FGGY: variants seen among roughly 807,000 people sequenced by gnomAD.
FGGY encodes FGGY carbohydrate kinase domain containing.
FGGY carries 72 observed loss-of-function variants against 71.3 expected under a neutral mutation model. The ratio of observed to expected loss-of-function variants is 1.01; its 90% CI spans 0.84 to 1.23. The LOEUF (loss-of-function observed/expected upper bound fraction) is 1.23. FGGY is among the 50% of genes most tolerant of loss of function. The pLI is 0.00. For synonymous variants in FGGY, 251 were observed against 250.3 expected (o/e 1.00, Z -0.02); for missense variants, 668 against 682.3 (o/e 0.98, Z 0.23).
chr1:59,449,673 T>G (rs184908165), intron 5 of FGGY, among the ~76,000 whole-genome samples: 1 of 152,186 alleles, frequency 6.6e-6, no homozygotes, highest in East Asian at 1.9e-4. Context: ...TTGTTTTGTT[T>G]TTATCCAGGC....
intron 5 of FGGY, among the ~76,000 whole-genome samples, chr1:59,449,315 G>A (rs148735695): frequency 8.4e-4 from 128 of 152,096 alleles, no homozygotes; most frequent in Middle Eastern, 3.4e-3. Flanking sequence ...ACTGAGTCTT[G>A]CTCTGTCCCC....
At chr1:59,538,820 G>C (rs1010249510) in intron 7 of FGGY, among the ~76,000 whole-genome samples, 1 of 127,138 alleles carries the variant, frequency 7.9e-6, no homozygotes, top group Non-Finnish European at 1.6e-5. Flanking sequence ...ACAGGAAGGG[G>C]AACATCACAC....
At chr1:59,314,244 C>T (rs769373590) in intron 1 of FGGY, among the ~76,000 whole-genome samples, 1 of 152,114 alleles carries the variant, frequency 6.6e-6, no homozygotes. Flanking sequence ...GGATTACAGG[C>T]GTGAGCCACC....
rs1180392628 is a variant in FGGY, at chr1:59,498,042, T to C, written c.671-14269T>C. 2.6e-5 allele frequency among the ~76,000 whole-genome samples: 4 copies of C among 152,178 alleles called. No homozygotes were observed. The East Asian group carries it at 7.7e-4, about 29-fold the overall frequency. On this transcript the variant is annotated intron_variant, in intron 6 of 15. Transcript: ENST00000303721. Reference sequence around the variant, plus strand: ...CTTCAAAGATGCTGGAGGGTCTCCCTCCTGTACCCCAACCTGTGCCACTTG... The same window carrying C: ...CTTCAAAGATGCTGGAGGGTCTCCCCCCTGTACCCCAACCTGTGCCACTTG...
intron 9 of FGGY, among the ~76,000 whole-genome samples, chr1:59,620,548 T>C (rs1196369883): frequency 6.6e-6 from 1 of 152,098 alleles, no homozygotes; most frequent in East Asian, 1.9e-4. Flanking sequence ...ATCTTTCATT[T>C]TGTTTTTTGT....
At chr1:59,629,211 A>G (rs992709358) in intron 10 of FGGY, among the ~76,000 whole-genome samples, 5 of 148,560 alleles carry the variant, frequency 3.4e-5, no homozygotes, top group African/African-American at 1.3e-4. Context: ...AACTTAAATA[A>G]AAAATGAATA....
intron 6 of FGGY, among the ~76,000 whole-genome samples, chr1:59,490,579 C>T (rs1161368965): frequency 1.3e-5 from 2 of 152,062 alleles, no homozygotes; most frequent in African/African-American, 4.8e-5. Flanking sequence ...AGATCTTATT[C>T]ATAAAATATT....
intron 5 of FGGY, among the ~76,000 whole-genome samples, chr1:59,387,507 T>G (rs2060212841): frequency 6.6e-6 from 1 of 152,222 alleles, no homozygotes; most frequent in African/African-American, 2.4e-5. Context: ...TAGTGTTATA[T>G]ATTTCAATGA....
chr1:59,372,382 A>C (rs1262377821), intron 4 of FGGY, among the ~76,000 whole-genome samples: 1 of 152,252 alleles, frequency 6.6e-6, no homozygotes, highest in East Asian at 1.9e-4. Context: ...CTCTGAATAG[A>C]CTAATAACAG....
chr1:59,523,652 T>C (rs1478197367), intron 7 of FGGY, among the ~76,000 whole-genome samples: 2 of 152,244 alleles, frequency 1.3e-5, no homozygotes, highest in Non-Finnish European at 2.9e-5. Flanking sequence ...TCCAGTTATA[T>C]CATTCAACAG....
intron 1 of FGGY, among the ~76,000 whole-genome samples, chr1:59,311,984 C>T (rs2044426196): frequency 6.6e-6 from 1 of 152,216 alleles, no homozygotes; most frequent in Non-Finnish European, 1.5e-5. Context: ...TTTTGATTTG[C>T]ATTTCTCTAA....
At chr1:59,742,064 C>G (rs1312975979) in intron 14 of FGGY, among the ~76,000 whole-genome samples, 1 of 152,160 alleles carries the variant, frequency 6.6e-6, no homozygotes, top group African/African-American at 2.4e-5. Flanking sequence ...GATCATGCCA[C>G]TGCACTCCAG....
intron 11 of FGGY, among the ~76,000 whole-genome samples, chr1:59,653,597 C>T (rs1385846780): frequency 6.6e-6 from 1 of 152,240 alleles, no homozygotes; most frequent in Non-Finnish European, 1.5e-5. Context: ...GGCAATGCCT[C>T]GCCCTGCTTC....
At chr1:59,665,034 T>C (rs2097311050) in intron 12 of FGGY, among the ~76,000 whole-genome samples, 1 of 152,198 alleles carries the variant, frequency 6.6e-6, no homozygotes, top group Non-Finnish European at 1.5e-5. Flanking sequence ...AATTCAAAAC[T>C]CATGCTCTTA....
intron 4 of FGGY, among the ~76,000 whole-genome samples, chr1:59,374,085 G>A (rs1418453500): frequency 6.6e-6 from 1 of 152,142 alleles, no homozygotes; most frequent in African/African-American, 2.4e-5. Context: ...CTTCTGCACA[G>A]CAAAAGAAAC....
intron 5 of FGGY, among the ~76,000 whole-genome samples, chr1:59,420,852 A>C (rs2065279728): frequency 6.6e-6 from 1 of 151,860 alleles, no homozygotes; most frequent in Non-Finnish European, 1.5e-5. Flanking sequence ...AAAGAGGCTC[A>C]AATTCACTCC....
At chr1:59,361,579 A>G (rs2055528112) in intron 4 of FGGY, among the ~76,000 whole-genome samples, 2 of 152,224 alleles carry the variant, frequency 1.3e-5, no homozygotes, top group South Asian at 2.1e-4. Flanking sequence ...GAATCCGTCA[A>G]AAGTTCCTTT....
At chr1:59,428,955 A>T (rs2066865611) in intron 5 of FGGY, among the ~76,000 whole-genome samples, 1 of 152,190 alleles carries the variant, frequency 6.6e-6, no homozygotes, top group Non-Finnish European at 1.5e-5. Context: ...GCTAGAGTGA[A>T]AAAGGAAGGA....
chr1:59,535,552 C>G (rs1040479437), intron 7 of FGGY, among the ~76,000 whole-genome samples: 1 of 152,056 alleles, frequency 6.6e-6, no homozygotes, highest in Non-Finnish European at 1.5e-5. Flanking sequence ...CCACACCACA[C>G]CTATTCCAAA....
Sources: allele counts gnomAD v4.1 joint callset (sites outside exome capture counted in the v4.1 genomes callset), GRCh38; gene constraint gnomAD v4.1.1; transcripts MANE v1.5; gene names NCBI Gene and HGNC (gene_info 2026-07-23, HGNC 2026-07-21).